The following VRK2 variants were observed in gnomAD, a reference collection of about 807,000 sequenced individuals.
The protein encoded by VRK2 is serine/threonine-protein kinase VRK2.
VRK2 carries 60 observed loss-of-function variants against 57.6 expected under a neutral mutation model. The ratio of observed to expected loss-of-function variants is 1.04; its 90% CI spans 0.85 to 1.29. The LOEUF is 1.29. VRK2 is among the 50% of genes most tolerant of loss of function. The pLI, the probability that VRK2 is intolerant of heterozygous loss-of-function variation, is 0.00. For missense variants in VRK2, 705 were observed against 588.1 expected (o/e 1.20, Z -2.06); for synonymous variants, 231 against 199.2 (o/e 1.16, Z -1.35).
intron 7 of VRK2, among the ~76,000 whole-genome samples, chr2:58,113,981 A>AG (rs753417313): frequency 1.1e-4 from 17 of 152,148 alleles, no homozygotes; most frequent in Non-Finnish European, 2.1e-4. Context: ...GGCTGCTTCA[A>AG]CAGGATTAGG....
At chr2:57,988,764 C>A (rs887621162) in intron 1 of VRK2, among the ~76,000 whole-genome samples, 1 of 152,190 alleles carries the variant, frequency 6.6e-6, no homozygotes, top group Non-Finnish European at 1.5e-5. Context: ...CAGATTTGAA[C>A]TGAATTACCC....
At chr2:57,970,895 T>C (rs1572920101) in intron 1 of VRK2, among the ~76,000 whole-genome samples, 1 of 152,160 alleles carries the variant, frequency 6.6e-6, no homozygotes, top group Middle Eastern at 3.4e-3. Context: ...CATAAGACTC[T>C]TAATTGATAG....
At chr2:58,085,117 AC>A (rs1671437305) in intron 4 of VRK2, 167 bp downstream of exon 4, 1 of 189,814 alleles carries the variant, frequency 5.3e-6, no homozygotes, top group Non-Finnish European at 9.7e-6. Context: ...CAGATGGTAT[AC>A]AAATCTTGAC....
intron 1 of VRK2, among the ~76,000 whole-genome samples, chr2:57,911,084 T>C (rs970642867): frequency 6.6e-6 from 1 of 151,656 alleles, no homozygotes; most frequent in Non-Finnish European, 1.5e-5. Flanking sequence ...TCATGGGAAA[T>C]CTGCTTGAAT....
In VRK2 at chr2:58,131,875, T is replaced by C. The variant is rs1558676851; in HGVS notation, c.744T>C (p.Leu248=). 2 of 1,614,026 alleles carry C rather than the reference T, an allele frequency of 1.2e-6. No homozygotes were observed. The highest frequency in any genetic ancestry group is 1.7e-6 in the Non-Finnish European group (2 of 1,179,984). The change falls in exon 9 of 13, where the codon CTT becomes CTC. Residue 248 remains leucine, a synonymous_variant. Transcript: ENST00000340157. ...YCMLRWLCGK[L]PWEQNLKDPV... ...TGCTGCGGTGGTTGTGTGGGAAACT[T>C]CCCTGGGAACAGAACCTGAAGGACC...
chr2:58,116,631 T>A (rs1676540606), intron 7 of VRK2, among the ~76,000 whole-genome samples: 1 of 152,040 alleles, frequency 6.6e-6, no homozygotes, highest in Non-Finnish European at 1.5e-5. Flanking sequence ...TACCTAAAGC[T>A]CAGCATCCGT....
chr2:58,158,893 A>G (rs1485162241), intron 12 of VRK2, among the ~76,000 whole-genome samples: 1 of 152,124 alleles, frequency 6.6e-6, no homozygotes, highest in Non-Finnish European at 1.5e-5. Context: ...TTGGCTGTGT[A>G]CAGCCTCATC....
chr2:57,941,980 G>T (rs151277115), intron 1 of VRK2, among the ~76,000 whole-genome samples: 106 of 152,272 alleles, frequency 7.0e-4, no homozygotes, highest in African/African-American at 2.5e-3. Flanking sequence ...ACTGCTTTGT[G>T]GGGATGGCAT....
chr2:58,088,447 G>T lies in VRK2; in HGVS notation c.450+1G>T, dbSNP rs201297604. The stretch of plus-strand genomic sequence containing the variant: ...TGTCCTGCAATTAGGTATCCGAATG[G>T]TAAGAATTACTTATTTCGCATGCTC... On this transcript the variant is annotated splice_donor_variant, in intron 6 of 12. Coordinates refer to ENST00000340157, the MANE Select transcript of VRK2 (RefSeq NM_006296.7). LOFTEE classifies it high-confidence loss of function. 6 of 1,599,182 alleles carry T rather than the reference G, an allele frequency of 3.8e-6. No individual in the cohort carries two copies. Among genetic ancestry groups the T allele is most frequent in the Non-Finnish European group, 5.1e-6 (6 of 1,167,942 alleles).
intron 1 of VRK2, among the ~76,000 whole-genome samples, chr2:58,005,957 C>T (rs559778346): frequency 1.3e-5 from 2 of 152,232 alleles, no homozygotes; most frequent in African/African-American, 4.8e-5. Context: ...AATAGCCTCC[C>T]CTGAGGCAGA....
At chr2:57,986,702 A>G (rs6758465) in intron 1 of VRK2, among the ~76,000 whole-genome samples, 33,419 of 149,780 alleles carry the variant, frequency 0.22, 5,693 homozygotes, top group African/African-American at 0.48. Context: ...AGGTTCAAGC[A>G]ATTCTCCCGC....
chr2:58,147,695 G>A (rs1271489552), intron 12 of VRK2, among the ~76,000 whole-genome samples: 2 of 151,518 alleles, frequency 1.3e-5, no homozygotes, highest in Non-Finnish European at 3.0e-5. Context: ...GGAATGTTCT[G>A]CCATTTTGAT....
In VRK2 at chr2:58,084,901, G is replaced by C. The variant is rs748414309; in HGVS notation, c.207G>C (p.Pro69=). 2 of 1,580,960 alleles carry C rather than the reference G, an allele frequency of 1.3e-6. No individual in the cohort carries two copies. Among genetic ancestry groups the C allele is most frequent in the Non-Finnish European group, 1.7e-6 (2 of 1,165,100 alleles). ...TATAGGAATATCAAGAAAATGGCCC[G>C]TTATTTTCAGAACTTAAATTTTATC... The part of the protein sequence containing the change: ...VVKVEYQENG[P]LFSELKFYQR... The change falls in exon 4 of 13, where the codon CCG becomes CCC. Residue 69 remains proline, a synonymous_variant. Transcript: ENST00000340157.
intron 1 of VRK2, among the ~76,000 whole-genome samples, chr2:57,924,169 A>T (rs1025884310): frequency 1.3e-5 from 2 of 151,806 alleles, no homozygotes; most frequent in East Asian, 1.9e-4. Flanking sequence ...TTCCTTCAGT[A>T]GTGTTCTTTT....
intron 7 of VRK2, among the ~76,000 whole-genome samples, chr2:58,119,425 C>T (rs1235599968): frequency 2.1e-5 from 3 of 144,020 alleles, no homozygotes; most frequent in East Asian, 2.0e-4. Context: ...TGCAGTGAGC[C>T]GAGATCGCGC....
intron 1 of VRK2, among the ~76,000 whole-genome samples, chr2:57,935,672 A>C (rs957163277): frequency 3.3e-5 from 5 of 152,066 alleles, no homozygotes; most frequent in Non-Finnish European, 5.9e-5. Context: ...ATTCTCTCCC[A>C]ATCTTTGAAC....
At chr2:58,110,221 T>A (rs531795162) in intron 7 of VRK2, among the ~76,000 whole-genome samples, 1 of 152,346 alleles carries the variant, frequency 6.6e-6, no homozygotes, top group South Asian at 2.1e-4. Context: ...AGGCTGTGAT[T>A]TATTGACCCC....
In VRK2 at chr2:58,084,943, A is replaced by AG; in HGVS notation, c.250dup (p.Asp84GlyfsTer13). 1 of 1,585,604 alleles carries AG rather than the reference A, an allele frequency of 6.3e-7. No homozygotes were observed. The highest frequency in any genetic ancestry group is 1.2e-5 in the South Asian group (1 of 85,424). On this transcript the variant is annotated frameshift_variant, in exon 4 of 13. Transcript: ENST00000340157. LOFTEE classifies it high-confidence loss of function. ...AATTTTATCAGAGAGTTGCAAAAAA[A>AG]GACTGTAGTAAGTAAAATTAGCAAA...
At chr2:58,068,935 G>GTT (rs147631487) in intron 2 of VRK2, among the ~76,000 whole-genome samples, 141 of 151,568 alleles carry the variant, frequency 9.3e-4, no homozygotes, top group Middle Eastern at 3.4e-3. Flanking sequence ...TTTCAAAAGT[G>GTT]TTTGTCTTTA....
Sources: allele counts gnomAD v4.1 joint callset (sites outside exome capture counted in the v4.1 genomes callset), GRCh38; gene constraint gnomAD v4.1.1; transcripts MANE v1.5; gene names NCBI Gene and HGNC (gene_info 2026-07-23, HGNC 2026-07-21).